Variants in ATP11C observed in about 807,000 individuals in gnomAD.
The protein encoded by ATP11C is phospholipid-transporting ATPase IG.
In ATP11C, 36 loss-of-function variants were observed where a neutral mutation model predicts 97.4. The observed-to-expected ratio is 0.37, with a 90% CI of 0.28 to 0.49. ATP11C has a LOEUF of 0.49. Among genes scored for constraint, ATP11C ranks in the 20% least tolerant of loss-of-function variants. The pLI, the probability that ATP11C is intolerant of heterozygous loss-of-function variation, is 0.98. For synonymous variants in ATP11C, 275 were observed against 290.9 expected, an observed-to-expected ratio of 0.95 and a Z score of 0.56; for missense variants, 730 against 824.6, an observed-to-expected ratio of 0.89 and a Z score of 1.40.
At chrX:139,761,286 T>C (rs1302867437) in intron 22 of ATP11C, among the ~76,000 whole-genome samples, 1 of 111,166 alleles carries the variant, frequency 9.0e-6, no homozygotes, top group Non-Finnish European at 1.9e-5. Flanking sequence ...AAATTTTTCT[T>C]TAAAAAAAGG....
intron 6 of ATP11C, among the ~76,000 whole-genome samples, chrX:139,803,859 C>T (rs926124153): frequency 5.6e-5 from 6 of 106,673 alleles, no homozygotes; most frequent in Non-Finnish European, 1.2e-4. Context: ...CCACTATGCC[C>T]GGCTAATTTT....
intron 1 of ATP11C, among the ~76,000 whole-genome samples, chrX:139,847,276 G>A (rs182731572): frequency 1.8e-5 from 2 of 110,423 alleles, no homozygotes; most frequent in East Asian, 5.7e-4. Flanking sequence ...CAAGCTACTC[G>A]GGAGATTGAG....
At chrX:139,864,293 C>G (rs929811718) in intron 1 of ATP11C, among the ~76,000 whole-genome samples, 5 of 111,545 alleles carry the variant, frequency 4.5e-5, no homozygotes, top group Admixed American at 2.9e-4. Context: ...TAACTTCTTA[C>G]AAATGGAACC....
chrX:139,782,605 C>T lies in ATP11C; in HGVS notation c.1894G>A (p.Val632Ile), dbSNP rs1319201149. 1 of 1,207,719 alleles carries T rather than the reference C, an allele frequency of 8.3e-7. No individual in the cohort carries two copies. Residue 632 changes from valine (V) to isoleucine (I), a missense_variant, in exon 18 of 30, where the codon GTT (valine) becomes ATT (isoleucine). Coordinates refer to ENST00000682941, the MANE Select transcript of ATP11C (RefSeq NM_001353812.2). The stretch of plus-strand genomic sequence containing the variant: ...ATGTTTGTCTCAATATCATCGAAAA[C>T]TTTTTCCATTTTTTCTTCTCTGTCT... ...LQDREEKMEK[V>I]FDDIETNMNL...
chrX:139,735,651 G>C (rs1280476457), intron 28 of ATP11C, among the ~76,000 whole-genome samples: 2 of 111,299 alleles, frequency 1.8e-5, no homozygotes, highest in East Asian at 5.7e-4. Context: ...CCACCTCTTT[G>C]ATATAGCCAA....
chrX:139,779,548 G>C (rs58183893), intron 18 of ATP11C, among the ~76,000 whole-genome samples: 5,611 of 111,524 alleles, frequency 0.05, 242 homozygotes, highest in East Asian at 0.29. Context: ...AGAAAATAGA[G>C]ACACAATATA....
chrX:139,895,374 G>A (rs190295502), intron 1 of ATP11C, among the ~76,000 whole-genome samples: 1 of 111,229 alleles, frequency 9.0e-6, no homozygotes, highest in Non-Finnish European at 1.9e-5. Context: ...GGGTTCAAGC[G>A]ATTCTCCTGT....
chrX:139,769,281 CATAT>C (rs55984113), intron 19 of ATP11C, among the ~76,000 whole-genome samples: 580 of 27,952 alleles, frequency 0.021, 1 homozygote, highest in South Asian at 0.034. Flanking sequence ...GGCAAACATA[CATAT>C]ATATATATAT....
chrX:139,916,104 C>G (rs2148150272), intron 1 of ATP11C, among the ~76,000 whole-genome samples: 1 of 109,454 alleles, frequency 9.1e-6, no homozygotes, highest in African/African-American at 3.3e-5. Context: ...TGGCACACAC[C>G]TGTAATCCCA....
intron 28 of ATP11C, among the ~76,000 whole-genome samples, chrX:139,736,621 T>A (rs1305417511): frequency 8.9e-6 from 1 of 111,855 alleles, no homozygotes; most frequent in Non-Finnish European, 1.9e-5. Flanking sequence ...CAACCGATAT[T>A]AAGACATAAT....
chrX:139,897,758 A>C (rs1231127234), intron 1 of ATP11C, among the ~76,000 whole-genome samples: 2 of 110,223 alleles, frequency 1.8e-5, no homozygotes, highest in East Asian at 5.7e-4. Flanking sequence ...GAAGTGCTTT[A>C]AGTGCATGTT....
chrX:139,862,611 T>C lies in ATP11C; in HGVS notation c.28-35788A>G, dbSNP rs765291330. 2.3e-4 allele frequency among the ~76,000 whole-genome samples: 26 copies of C among 111,822 alleles called. 1 individual carries two copies. In the East Asian group the frequency reaches 5.6e-3, roughly 24 times the overall value. ...AGAGCAGAGCTGATTTGAGAGTTTT[T>C]CCGAAACAAATCCTCACAGCAAAGT... On this transcript the variant is annotated intron_variant, in intron 1 of 29. Transcript: ENST00000682941.
intron 12 of ATP11C, 63 bp from the exon 13 acceptor site, chrX:139,789,551 G>A: frequency 6.5e-6 from 6 of 924,430 alleles, no homozygotes; most frequent in Non-Finnish European, 8.9e-6. Context: ...TTAGTTTGCT[G>A]TAACGCAAAG....
intron 1 of ATP11C, among the ~76,000 whole-genome samples, chrX:139,930,607 C>A (rs2085417703): frequency 8.9e-6 from 1 of 111,742 alleles, no homozygotes; most frequent in African/African-American, 3.3e-5. Context: ...ATGTGAGAAA[C>A]CAATTTTAGT....
intron 1 of ATP11C, among the ~76,000 whole-genome samples, chrX:139,870,691 A>T (rs907905369): frequency 8.9e-6 from 1 of 112,677 alleles, no homozygotes; most frequent in East Asian, 2.8e-4. Flanking sequence ...ACCCATATGA[A>T]ATAATTTGTA....
intron 3 of ATP11C, among the ~76,000 whole-genome samples, chrX:139,817,577 G>A (rs2083313079): frequency 8.9e-6 from 1 of 112,280 alleles, no homozygotes; most frequent in African/African-American, 3.2e-5. Flanking sequence ...AAAGTTTTAA[G>A]CAAGGAAAGG....
intron 1 of ATP11C, among the ~76,000 whole-genome samples, chrX:139,869,775 CAG>C (rs1466923799): frequency 1.0e-5 from 1 of 95,968 alleles, no homozygotes; most frequent in Non-Finnish European, 2.0e-5. Context: ...GCCTGGGCGA[CAG>C]AGAAACACTC....
In ATP11C at chrX:139,742,910, T is replaced by A. The variant is rs1474183744; in HGVS notation, c.3030+649A>T. Among the ~76,000 whole-genome samples the A allele has an allele frequency of 5.9e-5, 5 of 84,533 alleles. No individual in the cohort carries two copies. In the East Asian group the frequency reaches 1.2e-3, roughly 20 times the overall value. 73.4% of individuals were successfully genotyped at this position (84,533 alleles called of 115,157 possible). A position where few individuals can be genotyped will look rare whatever the true frequency, so the allele number is the denominator to read the frequency against. On this transcript the variant is annotated intron_variant, in intron 26 of 29. Transcript: ENST00000682941. ...ATATATATATATATATATATATATATATAAAAATAGAGACAGGGTCTTGCT... is the reference window on the plus strand; with the variant it reads ...ATATATATATATATATATATATATAAATAAAAATAGAGACAGGGTCTTGCT...
At chrX:139,856,179 C>T (rs1476776904) in intron 1 of ATP11C, among the ~76,000 whole-genome samples, 3 of 112,398 alleles carry the variant, frequency 2.7e-5, no homozygotes, top group East Asian at 2.8e-4. Context: ...GTCCTCCAGT[C>T]GACCAGGCGT....
Sources: allele counts gnomAD v4.1 joint callset (sites outside exome capture counted in the v4.1 genomes callset), GRCh38; gene constraint gnomAD v4.1.1; transcripts MANE v1.5; gene names NCBI Gene and HGNC (gene_info 2026-07-23, HGNC 2026-07-21).